Variants in CTNND2 observed in about 807,000 individuals in gnomAD.
CTNND2 encodes catenin delta-2.
CTNND2 carries 22 observed loss-of-function variants against 144.4 expected under a neutral mutation model. The observed-to-expected ratio is 0.15, with a 90% CI of 0.11 to 0.22. The LOEUF is 0.22. Among genes scored for constraint, CTNND2 ranks in the 10% least tolerant of loss-of-function variants. CTNND2 has a pLI of 1.00. For missense variants in CTNND2, 1,353 were observed against 1,618.8 expected (o/e 0.84, Z 2.82); for synonymous variants, 751 against 695.6 (o/e 1.08, Z -1.25).
chr5:11,469,457 G>A lies in CTNND2; in HGVS notation c.288-57388C>T, dbSNP rs557108225. Among the ~76,000 whole-genome samples the A allele has an allele frequency of 1.5e-4, 23 of 152,246 alleles. No homozygotes were observed. The South Asian group carries it at 4.8e-3, about 32-fold the overall frequency. ...TTAAAGTTACTTTCAGCACAGAAAG[G>A]CATAACACTGCTGCATTTATTGGAG... is the stretch of plus-strand genomic sequence containing the variant. On this transcript the variant is annotated intron_variant, in intron 3 of 21. Coordinates refer to ENST00000304623, the MANE Select transcript of CTNND2 (RefSeq NM_001332.4).
At chr5:11,126,099 C>G (rs183045295) in intron 12 of CTNND2, among the ~76,000 whole-genome samples, 2,678 of 152,234 alleles carry the variant, frequency 0.018, 32 homozygotes, top group Non-Finnish European at 0.022. Flanking sequence ...GTCGGGAGTT[C>G]GAGACCAGCC....
chr5:11,175,684 T>C (rs376926458), intron 11 of CTNND2, among the ~76,000 whole-genome samples: 53 of 152,192 alleles, frequency 3.5e-4, no homozygotes, highest in African/African-American at 1.2e-3. Flanking sequence ...CTAGAGTGTT[T>C]GAAATGCTTT....
At chr5:11,274,544 TAAAAC>T (rs890772936) in intron 9 of CTNND2, among the ~76,000 whole-genome samples, 2 of 148,294 alleles carry the variant, frequency 1.3e-5, no homozygotes, top group Admixed American at 1.3e-4. Context: ...ATAAAACAAA[TAAAAC>T]AATTTTCACA....
chr5:11,214,185 T>G (rs1375117473), intron 10 of CTNND2, among the ~76,000 whole-genome samples: 1 of 152,208 alleles, frequency 6.6e-6, no homozygotes, highest in Non-Finnish European at 1.5e-5. Flanking sequence ...CAATAATAAA[T>G]AGTAAAATGC....
intron 2 of CTNND2, among the ~76,000 whole-genome samples, chr5:11,612,297 T>C (rs1419217454): frequency 6.6e-6 from 1 of 152,244 alleles, no homozygotes; most frequent in Non-Finnish European, 1.5e-5. Context: ...TCATTACTCA[T>C]GCCTTCTGAC....
intron 12 of CTNND2, among the ~76,000 whole-genome samples, chr5:11,129,862 G>A (rs572217232): frequency 5.3e-5 from 8 of 152,020 alleles, no homozygotes; most frequent in African/African-American, 9.7e-5. Context: ...AGTATTACCC[G>A]CATTAGGATT....
chr5:11,183,970 AC>A (rs1735371396), intron 11 of CTNND2, among the ~76,000 whole-genome samples: 1 of 152,184 alleles, frequency 6.6e-6, no homozygotes, highest in African/African-American at 2.4e-5. Flanking sequence ...CATGCGTAGA[AC>A]CAATATAAAA....
At chr5:11,426,729 A>G (rs1229408955) in intron 3 of CTNND2, among the ~76,000 whole-genome samples, 2 of 152,224 alleles carry the variant, frequency 1.3e-5, no homozygotes, top group African/African-American at 4.8e-5. Flanking sequence ...CTTTGAATGA[A>G]GAAGGTAATG....
intron 3 of CTNND2, among the ~76,000 whole-genome samples, chr5:11,472,938 G>A (rs1767365199): frequency 6.6e-6 from 1 of 152,054 alleles, no homozygotes; most frequent in Non-Finnish European, 1.5e-5. Context: ...TTTGGGCATG[G>A]TGGCGCATGC....
chr5:11,283,695 AAAAAAAAAAAAGAG>A (rs1278531800), intron 9 of CTNND2, among the ~76,000 whole-genome samples: 3 of 149,688 alleles, frequency 2.0e-5, no homozygotes, highest in Admixed American at 6.6e-5. Context: ...AAAAAAAAAA[AAAAAAAAAAAAGAG>A]AGAGACATGG....
At chr5:11,634,090 T>A (rs1382301740) in intron 2 of CTNND2, among the ~76,000 whole-genome samples, 1 of 152,178 alleles carries the variant, frequency 6.6e-6, no homozygotes, top group African/African-American at 2.4e-5. Flanking sequence ...CCACCCCAAT[T>A]TCACCTATCC....
intron 10 of CTNND2, among the ~76,000 whole-genome samples, chr5:11,215,284 C>T (rs184603127): frequency 2.2e-4 from 34 of 152,334 alleles, no homozygotes; most frequent in African/African-American, 8.2e-4. Flanking sequence ...TGACACTGGT[C>T]TGGCAAACAT....
intron 9 of CTNND2, among the ~76,000 whole-genome samples, chr5:11,298,937 G>C (rs749711517): frequency 3.3e-5 from 5 of 152,070 alleles, no homozygotes; most frequent in African/African-American, 4.8e-5. Context: ...AATGATTGGT[G>C]GTGAATTATT....
At chr5:11,848,288 T>C (rs1257324686) in intron 1 of CTNND2, among the ~76,000 whole-genome samples, 1 of 152,162 alleles carries the variant, frequency 6.6e-6, no homozygotes, top group Admixed American at 6.5e-5. Flanking sequence ...TTCAAATTAT[T>C]TTTATTATAG....
intron 2 of CTNND2, among the ~76,000 whole-genome samples, chr5:11,658,273 A>G (rs10513103): frequency 0.018 from 2,812 of 152,152 alleles, 92 homozygotes; most frequent in African/African-American, 0.064. Context: ...CTCATGATCC[A>G]TTGCCTTCAT....
At chr5:11,698,288 A>ATT (rs34917192) in intron 2 of CTNND2, among the ~76,000 whole-genome samples, 14 of 140,534 alleles carry the variant, frequency 1.0e-4, no homozygotes, top group Middle Eastern at 3.9e-3. Flanking sequence ...ACACATTATT[A>ATT]TTTTTTTTTT....
intron 10 of CTNND2, among the ~76,000 whole-genome samples, chr5:11,205,698 T>C (rs374183887): frequency 2.0e-4 from 30 of 152,202 alleles, no homozygotes; most frequent in African/African-American, 7.0e-4. Context: ...TGCCTCTGAG[T>C]AATACAGAAG....
intron 18 of CTNND2, among the ~76,000 whole-genome samples, chr5:11,016,104 C>T (rs1256529163): frequency 1.3e-5 from 2 of 152,092 alleles, no homozygotes; most frequent in Admixed American, 6.6e-5. Flanking sequence ...ACAGTATTTG[C>T]GAGATGCAAA....
intron 10 of CTNND2, among the ~76,000 whole-genome samples, chr5:11,229,579 C>T (rs577633270): frequency 7.3e-5 from 11 of 151,668 alleles, no homozygotes; most frequent in Non-Finnish European, 1.6e-4. Flanking sequence ...CCCTATATGC[C>T]ACTTGAAAAT....
Sources: allele counts gnomAD v4.1 joint callset (sites outside exome capture counted in the v4.1 genomes callset), GRCh38; gene constraint gnomAD v4.1.1; transcripts MANE v1.5; gene names NCBI Gene and HGNC (gene_info 2026-07-23, HGNC 2026-07-21).